ARHGAP42: variants seen among roughly 807,000 people sequenced by gnomAD.
The protein encoded by ARHGAP42 is Rho GTPase activating protein 42.
A neutral mutation model predicts 125.0 loss-of-function variants in ARHGAP42; 63 were observed. That is an observed-to-expected ratio of 0.50 (90% CI 0.41 to 0.62). The LOEUF (loss-of-function observed/expected upper bound fraction) is 0.62, where lower values mean the gene tolerates loss of function less well. Ranked by LOEUF, ARHGAP42 falls within the 20% of genes least tolerant of loss-of-function variation. ARHGAP42 has a pLI of 0.00. For synonymous variants in ARHGAP42, 339 were observed against 351.0 expected (o/e 0.97, Z 0.38); for missense variants, 766 against 1,024.2 (o/e 0.75, Z 3.44).
rs1024897520 is a variant in ARHGAP42 at position 100,948,669 on chromosome 11, A to G, written c.1122+134A>G. On this transcript the variant is annotated intron_variant, in intron 11 of 23. Coordinates refer to ENST00000298815, the MANE Select transcript of ARHGAP42 (RefSeq NM_152432.4). ...TATTAAAAAAGGAAATCAGGGGAGT[A>G]GAGACTTTTATGGTTTCCTAGTCTC... 8.0e-6 allele frequency: 5 copies of G among 626,100 alleles called. No individual in the cohort carries two copies. In the Admixed American group the frequency reaches 1.3e-4, roughly 16 times the overall value. 38.8% of individuals were successfully genotyped at this position (626,100 alleles called of 1,614,324 possible).
intron 1 of ARHGAP42, among the ~76,000 whole-genome samples, chr11:100,753,330 C>T (rs1287345727): frequency 1.3e-5 from 2 of 152,186 alleles, no homozygotes; most frequent in African/African-American, 4.8e-5. Flanking sequence ...TGTTCACTAG[C>T]AGCAGCTAGC....
At chr11:100,691,127 A>G (rs1268856636) in intron 1 of ARHGAP42, among the ~76,000 whole-genome samples, 3 of 152,150 alleles carry the variant, frequency 2.0e-5, no homozygotes, top group Non-Finnish European at 2.9e-5. Flanking sequence ...TGCCACATAG[A>G]TATTTTGTGA....
At chr11:100,720,119 G>T (rs1239683184) in intron 1 of ARHGAP42, among the ~76,000 whole-genome samples, 2 of 152,184 alleles carry the variant, frequency 1.3e-5, no homozygotes, top group Non-Finnish European at 2.9e-5. Flanking sequence ...AGAATCTGCT[G>T]GTGCTGAAAC....
intron 1 of ARHGAP42, among the ~76,000 whole-genome samples, chr11:100,727,688 C>A (rs1390459202): frequency 1.3e-5 from 2 of 152,196 alleles, no homozygotes; most frequent in Non-Finnish European, 2.9e-5. Context: ...TGTAACTCCA[C>A]AGGGACAGAA....
intron 4 of ARHGAP42, among the ~76,000 whole-genome samples, chr11:100,901,617 A>G (rs1866552240): frequency 6.6e-6 from 1 of 152,202 alleles, no homozygotes; most frequent in Admixed American, 6.5e-5. Context: ...AGCCTCAGCA[A>G]TGGTGGATGC....
Position 100,816,850 on chromosome 11 carries a change from G to T in ARHGAP42, c.312+21684G>T, listed in dbSNP as rs1258010792. ...GATGAGGATGAGACAAGCCACATTG[G>T]AGAATGGTAAAGCTAGGAATCTAGG... On this transcript the variant is annotated intron_variant, in intron 3 of 23. Coordinates refer to ENST00000298815, the MANE Select transcript of ARHGAP42 (RefSeq NM_152432.4). The T allele has an allele frequency of 2.6e-5, 4 of 152,200 alleles. No individual in the cohort carries two copies. In the East Asian group the frequency reaches 5.8e-4, roughly 22 times the overall value. The allele number at this position is 152,200 out of a possible 1,614,324, so 9.4% of individuals were successfully genotyped here.
intron 1 of ARHGAP42, among the ~76,000 whole-genome samples, chr11:100,717,919 G>C (rs1413849292): frequency 2.3e-5 from 1 of 42,868 alleles, no homozygotes; most frequent in African/African-American, 9.9e-5. Context: ...GCGAGACTCT[G>C]CCTTAAAAAA....
chr11:100,905,878 C>A (rs552574526), intron 4 of ARHGAP42, among the ~76,000 whole-genome samples: 2 of 152,062 alleles, frequency 1.3e-5, no homozygotes, highest in Non-Finnish European at 2.9e-5. Flanking sequence ...CTCGGGAGGC[C>A]GAGGCACGGG....
chr11:100,770,957 A>T (rs1441348189), intron 2 of ARHGAP42, among the ~76,000 whole-genome samples: 2 of 152,224 alleles, frequency 1.3e-5, no homozygotes, highest in Non-Finnish European at 2.9e-5. Context: ...AAATGACTTA[A>T]TCATTCTATA....
intron 2 of ARHGAP42, among the ~76,000 whole-genome samples, chr11:100,790,728 A>G (rs1863545598): frequency 6.6e-6 from 1 of 152,194 alleles, no homozygotes; most frequent in Non-Finnish European, 1.5e-5. Flanking sequence ...TTTTCAGTCT[A>G]CTGTGTATTA....
At chr11:100,874,765 T>C (rs1865771972) in intron 4 of ARHGAP42, among the ~76,000 whole-genome samples, 1 of 152,210 alleles carries the variant, frequency 6.6e-6, no homozygotes, top group Non-Finnish European at 1.5e-5. Flanking sequence ...AATGTATTCC[T>C]TTCCTTCCCT....
intron 1 of ARHGAP42, among the ~76,000 whole-genome samples, chr11:100,719,466 C>T (rs112925462): frequency 0.026 from 4,033 of 152,198 alleles, 68 homozygotes; most frequent in Non-Finnish European, 0.031. Context: ...TGATCAAGTC[C>T]GGTAGGAGCC....
At chr11:100,713,428 C>T (rs1452062974) in intron 1 of ARHGAP42, among the ~76,000 whole-genome samples, 2 of 152,146 alleles carry the variant, frequency 1.3e-5, no homozygotes, top group Admixed American at 6.5e-5. Context: ...CTCTGATCCT[C>T]TGTACAACCT....
chr11:100,877,799 G>A (rs1185417827), intron 4 of ARHGAP42, among the ~76,000 whole-genome samples: 5 of 152,062 alleles, frequency 3.3e-5, no homozygotes, highest in Non-Finnish European at 7.4e-5. Flanking sequence ...GAGGTCAGGA[G>A]TTCGAGACCA....
At chr11:100,771,555 C>T (rs1862979557) in intron 2 of ARHGAP42, among the ~76,000 whole-genome samples, 1 of 151,934 alleles carries the variant, frequency 6.6e-6, no homozygotes, top group Non-Finnish European at 1.5e-5. Context: ...CACTTAAGAA[C>T]AGTGACCAGT....
intron 3 of ARHGAP42, chr11:100,839,667 C>T (rs964460047): frequency 6.6e-6 from 1 of 152,194 alleles, no homozygotes; most frequent in African/African-American, 2.4e-5. Context: ...TCTGTCACCC[C>T]ATTGATTACC....
intron 22 of ARHGAP42, among the ~76,000 whole-genome samples, chr11:100,979,423 A>G (rs1858475366): frequency 6.6e-6 from 1 of 152,184 alleles, no homozygotes; most frequent in Admixed American, 6.6e-5. Flanking sequence ...ATATCCATGG[A>G]AAAATATGGT....
At chr11:100,959,553 A>C (rs1051360271) in intron 12 of ARHGAP42, among the ~76,000 whole-genome samples, 1 of 152,226 alleles carries the variant, frequency 6.6e-6, no homozygotes, top group African/African-American at 2.4e-5. Context: ...TTCAATACAT[A>C]ATAAGGATTT....
At position 100,988,929 on chromosome 11, in the gene ARHGAP42, C is replaced by T; in HGVS notation, c.*128C>T. The T allele has an allele frequency of 1.7e-6, 1 of 595,564 alleles. No homozygotes were observed. The highest frequency in any genetic ancestry group is 2.6e-5 in the Admixed American group (1 of 37,878). 36.9% of individuals were successfully genotyped at this position (595,564 alleles called of 1,614,324 possible). On this transcript the variant is annotated 3_prime_UTR_variant, in exon 24 of 24. Coordinates refer to ENST00000298815, the MANE Select transcript of ARHGAP42 (RefSeq NM_152432.4). ...AACAGTCAATTTCTATCAAGTTCTT[C>T]ACCAGCAGACTATGTAGCTCCTTAT...
Sources: allele counts gnomAD v4.1 joint callset (sites outside exome capture counted in the v4.1 genomes callset), GRCh38; gene constraint gnomAD v4.1.1; transcripts MANE v1.5; gene names NCBI Gene and HGNC (gene_info 2026-07-23, HGNC 2026-07-21).